SRPX2: variants seen among roughly 807,000 people sequenced by gnomAD.
The protein encoded by SRPX2 is sushi repeat-containing protein SRPX2.
Under a neutral mutation model 45.3 loss-of-function variants are expected in SRPX2, and 26 were observed. The observed-to-expected ratio is 0.57, with a 90% CI of 0.42 to 0.80. The LOEUF is 0.80. SRPX2 is among the 30% of genes least tolerant of loss of function. The pLI is 0.00. For missense variants in SRPX2, 355 were observed against 399.8 expected (o/e 0.89, Z 0.95); for synonymous variants, 125 against 143.7 (o/e 0.87, Z 0.93).
chrX:100,652,534 A>G (rs993181095), intron 3 of SRPX2, among the ~76,000 whole-genome samples: 6 of 111,196 alleles, frequency 5.4e-5, no homozygotes, highest in Non-Finnish European at 7.5e-5. Context: ...GGAACCAGCA[A>G]GGGGAAAAAA....
intron 1 of SRPX2, among the ~76,000 whole-genome samples, chrX:100,644,777 A>C (rs1230655007): frequency 3.6e-5 from 4 of 111,222 alleles, no homozygotes; most frequent in Admixed American, 2.9e-4. Flanking sequence ...ATTGGGGAGA[A>C]GCTGGGCAGG....
In SRPX2 at chrX:100,647,357, G is replaced by A. The variant is rs879037637; in HGVS notation, c.82+953G>A. Among the ~76,000 whole-genome samples, 3 of 112,733 alleles carry A rather than the reference G, an allele frequency of 2.7e-5. No individual in the cohort carries two copies. In the Admixed American group the frequency reaches 2.8e-4, roughly 11 times the overall value. On this transcript the variant is annotated intron_variant, in intron 2 of 10. Coordinates refer to ENST00000373004, the MANE Select transcript of SRPX2 (RefSeq NM_014467.3). ...CCACATGCCCTTAGCTCCTGGTGGA[G>A]GCCTTTGGCAGTAGCTCTGTTTGTC...
At chrX:100,648,892 G>A (rs1219642178) in intron 2 of SRPX2, among the ~76,000 whole-genome samples, 2 of 112,327 alleles carry the variant, frequency 1.8e-5, no homozygotes, top group Non-Finnish European at 3.8e-5. Flanking sequence ...TCTGAGTTTG[G>A]TATCTAGGGG....
At chrX:100,660,659 C>A (rs930562319) in intron 3 of SRPX2, among the ~76,000 whole-genome samples, 10 of 111,148 alleles carry the variant, frequency 9.0e-5, no homozygotes, top group African/African-American at 3.3e-4. Context: ...GAAACCCCGT[C>A]TCTACTAAAA....
intron 3 of SRPX2, among the ~76,000 whole-genome samples, chrX:100,659,376 T>G (rs1164000846): frequency 8.9e-6 from 1 of 111,921 alleles, no homozygotes; most frequent in African/African-American, 3.2e-5. Context: ...TCTCCTACTG[T>G]CTCAGCATTT....
intron 1 of SRPX2, among the ~76,000 whole-genome samples, chrX:100,645,269 GC>G (rs751706839): frequency 1.8e-5 from 2 of 112,117 alleles, no homozygotes; most frequent in Admixed American, 1.9e-4. Context: ...TTGCTGAAAT[GC>G]CCAGTGGCCA....
chrX:100,656,439 T>C (rs2083169566), intron 3 of SRPX2, among the ~76,000 whole-genome samples: 1 of 111,646 alleles, frequency 9.0e-6, no homozygotes, highest in African/African-American at 3.3e-5. Flanking sequence ...TAGATTTGTA[T>C]CCATAACAAA....
intron 10 of SRPX2, among the ~76,000 whole-genome samples, chrX:100,669,718 G>T (rs757672524): frequency 9.8e-6 from 1 of 102,307 alleles, no homozygotes; most frequent in Admixed American, 1.1e-4. Context: ...CCCTGCTCTT[G>T]TTTTCTGGCC....
intron 7 of SRPX2, among the ~76,000 whole-genome samples, chrX:100,666,066 T>C (rs961491502): frequency 1.8e-5 from 2 of 112,317 alleles, no homozygotes; most frequent in African/African-American, 6.5e-5. Flanking sequence ...GCTTTTCTCA[T>C]TATAAAAATA....
intron 2 of SRPX2, among the ~76,000 whole-genome samples, chrX:100,647,419 A>G (rs1356398764): frequency 8.9e-6 from 1 of 112,803 alleles, no homozygotes; most frequent in Non-Finnish European, 1.9e-5. Flanking sequence ...CAAATATGCA[A>G]ACTTCTTCCC....
chrX:100,671,240 G>A lies in SRPX2; in HGVS notation c.*253G>A, dbSNP rs1602728123. ...GTAGAAGTTCTTCCTTTCCTAACCC[G>A]GGCCCCTGCCCAGCTCTCCAAAGTC... On this transcript the variant is annotated 3_prime_UTR_variant, in exon 11 of 11. Coordinates refer to ENST00000373004, the MANE Select transcript of SRPX2 (RefSeq NM_014467.3). 5 of 415,043 alleles carry A rather than the reference G, an allele frequency of 1.2e-5. No individual in the cohort carries two copies. In the East Asian group the frequency reaches 1.2e-4, roughly 10 times the overall value. The allele number at this position is 415,043 out of a possible 1,213,427, so 34.2% of individuals were successfully genotyped here. A position where few individuals can be genotyped will look rare whatever the true frequency, so the allele number is the denominator to read the frequency against.
chrX:100,648,756 A>C (rs988089640), intron 2 of SRPX2, among the ~76,000 whole-genome samples: 5 of 112,097 alleles, frequency 4.5e-5, no homozygotes, highest in Non-Finnish European at 9.4e-5. Flanking sequence ...GAATGATGTA[A>C]AATGCTTGGT....
At position 100,666,666 on chromosome X, in the gene SRPX2, G is replaced by A. The variant is rs765791183; in HGVS notation, c.782-88G>A. ...TTTTTCTGATCATCCTAAGTCTTCT[G>A]ATCTAGAAAGCCCAGCATGGGCACC... On this transcript the variant is annotated intron_variant, in intron 7 of 10. Coordinates refer to ENST00000373004, the MANE Select transcript of SRPX2 (RefSeq NM_014467.3). The A allele has an allele frequency of 1.2e-5, 14 of 1,122,391 alleles. No homozygotes were observed. In the African/African-American group the frequency reaches 2.1e-4, roughly 17 times the overall value. 92.5% of individuals were successfully genotyped at this position (1,122,391 alleles called of 1,213,427 possible). A position where few individuals can be genotyped will look rare whatever the true frequency, so the allele number is the denominator to read the frequency against.
chrX:100,661,375 T>A (rs192309116), intron 3 of SRPX2, among the ~76,000 whole-genome samples: 2 of 112,943 alleles, frequency 1.8e-5, no homozygotes, highest in Admixed American at 1.9e-4. Flanking sequence ...GAGTTCTTTC[T>A]ATATTTTAAA....
Position 100,662,164 on chromosome X carries a change from C to T in SRPX2, c.164-12C>T. 4 of 1,209,726 alleles carry T rather than the reference C, an allele frequency of 3.3e-6. No individual in the cohort carries two copies. Among genetic ancestry groups the T allele is most frequent in the Non-Finnish European group, 4.5e-6 (4 of 893,986 alleles). Reference sequence around the variant, plus strand: ...ACTATACTTCTAGCTTGCCTTTCTTCTATTGCTACAGTCCCCCGATGGTGT... The same window carrying T: ...ACTATACTTCTAGCTTGCCTTTCTTTTATTGCTACAGTCCCCCGATGGTGT... On this transcript the variant is annotated splice_polypyrimidine_tract_variant and intron_variant, in intron 3 of 10. Transcript: ENST00000373004.
chrX:100,647,110 G>C (rs906239103), intron 2 of SRPX2, among the ~76,000 whole-genome samples: 1 of 112,050 alleles, frequency 8.9e-6, no homozygotes, highest in Non-Finnish European at 1.9e-5. Flanking sequence ...GAAGGGATGA[G>C]GGCAGGATAA....
intron 3 of SRPX2, among the ~76,000 whole-genome samples, chrX:100,655,014 C>T (rs996807778): frequency 1.8e-5 from 2 of 111,326 alleles, no homozygotes; most frequent in Non-Finnish European, 3.8e-5. Flanking sequence ...TCAAAACTCT[C>T]GTCAGCACTT....
At chrX:100,665,936 T>C (rs1272794287) in intron 7 of SRPX2, among the ~76,000 whole-genome samples, 4 of 112,395 alleles carry the variant, frequency 3.6e-5, no homozygotes, top group Non-Finnish European at 7.5e-5. Flanking sequence ...CCATTTCTTT[T>C]CTTAGACTTC....
At chrX:100,657,609 C>T (rs2083174854) in intron 3 of SRPX2, among the ~76,000 whole-genome samples, 1 of 109,678 alleles carries the variant, frequency 9.1e-6, no homozygotes, top group Admixed American at 9.8e-5. Flanking sequence ...CGGAGGCCTC[C>T]CAAAGTCCTG....
Sources: allele counts gnomAD v4.1 joint callset (sites outside exome capture counted in the v4.1 genomes callset), GRCh38; gene constraint gnomAD v4.1.1; transcripts MANE v1.5; gene names NCBI Gene and HGNC (gene_info 2026-07-23, HGNC 2026-07-21).